The following CEP112 variants were observed in gnomAD, a reference collection of about 807,000 sequenced individuals.
The protein encoded by CEP112 is centrosomal protein 112, also known as centrosomal protein of 112 kDa.
In CEP112, 127 loss-of-function variants were observed where a neutral mutation model predicts 153.0. That is an observed-to-expected ratio of 0.83 (90% confidence interval 0.72 to 0.96). The LOEUF is 0.96. Among genes scored for constraint, CEP112 ranks in the 40% least tolerant of loss-of-function variants. CEP112 has a pLI of 0.00. For synonymous variants in CEP112, 358 were observed against 374.4 expected, an observed-to-expected ratio of 0.96 and a Z score of 0.51; for missense variants, 1,089 against 1,101.2, an observed-to-expected ratio of 0.99 and a Z score of 0.16.
intron 8 of CEP112, among the ~76,000 whole-genome samples, chr17:66,074,881 A>G (rs1039240709): frequency 1.3e-5 from 2 of 151,332 alleles, no homozygotes; most frequent in Admixed American, 6.6e-5. Flanking sequence ...AAGAAAAAAA[A>G]AAAAAAAGAA....
intron 24 of CEP112, among the ~76,000 whole-genome samples, chr17:65,655,603 T>C (rs2046024063): frequency 6.6e-6 from 1 of 152,246 alleles, no homozygotes; most frequent in Admixed American, 6.5e-5. Flanking sequence ...TTATCCTTGC[T>C]TCTTTTCTGA....
chr17:65,869,092 C>T (rs1453402734), intron 20 of CEP112, among the ~76,000 whole-genome samples: 3 of 152,198 alleles, frequency 2.0e-5, no homozygotes, highest in South Asian at 4.1e-4. Context: ...TAGGTCAGCA[C>T]ATTTTCTATT....
At chr17:65,836,546 T>C (rs1263396224) in intron 21 of CEP112, among the ~76,000 whole-genome samples, 1 of 152,124 alleles carries the variant, frequency 6.6e-6, no homozygotes, top group Non-Finnish European at 1.5e-5. Flanking sequence ...AGACAAAGAA[T>C]GTTATATAAC....
chr17:65,789,558 T>C (rs761148982), intron 21 of CEP112, among the ~76,000 whole-genome samples: 13 of 152,176 alleles, frequency 8.5e-5, no homozygotes, highest in Non-Finnish European at 1.8e-4. Flanking sequence ...CTCTACCTTT[T>C]ATGCCTCTGT....
intron 23 of CEP112, among the ~76,000 whole-genome samples, chr17:65,694,703 T>G (rs193056883): frequency 5.6e-4 from 85 of 152,334 alleles, no homozygotes; most frequent in African/African-American, 1.9e-3. Flanking sequence ...AAAAGATTAT[T>G]AGGTTATTAG....
At chr17:66,168,467 G>GTATATA (rs2072088139) in intron 4 of CEP112, among the ~76,000 whole-genome samples, 1 of 150,856 alleles carries the variant, frequency 6.6e-6, no homozygotes, top group Non-Finnish European at 1.5e-5. Context: ...GTATATGTGT[G>GTATATA]TGTATATATG....
chr17:65,856,255 A>G (rs2146346251), intron 20 of CEP112, among the ~76,000 whole-genome samples: 1 of 152,314 alleles, frequency 6.6e-6, no homozygotes, highest in East Asian at 1.9e-4. Context: ...AAGATTGAAG[A>G]ACTCCCTGGG....
intron 24 of CEP112, among the ~76,000 whole-genome samples, chr17:65,664,667 G>A (rs1434056335): frequency 2.0e-5 from 3 of 152,220 alleles, no homozygotes; most frequent in African/African-American, 7.2e-5. Flanking sequence ...GCAGCAGGTA[G>A]AGCCCAAGAC....
At chr17:66,166,625 C>T (rs2071970316) in intron 4 of CEP112, among the ~76,000 whole-genome samples, 1 of 151,996 alleles carries the variant, frequency 6.6e-6, no homozygotes, top group Non-Finnish European at 1.5e-5. Flanking sequence ...CAGCCGAGCA[C>T]GGTGGCTCAC....
intron 4 of CEP112, 38 bp downstream of exon 4, chr17:66,175,006 T>G: frequency 2.2e-6 from 3 of 1,394,092 alleles, no homozygotes; most frequent in Non-Finnish European, 1.9e-6. Context: ...ACAGACTAAA[T>G]GATGAAACAC....
intron 21 of CEP112, among the ~76,000 whole-genome samples, chr17:65,812,582 G>A (rs1598656928): frequency 1.3e-5 from 2 of 152,134 alleles, no homozygotes; most frequent in East Asian, 3.9e-4. Context: ...ATAATTGAAG[G>A]CTTTTATTGA....
At chr17:65,645,377 C>T (rs1317674931) in intron 24 of CEP112, among the ~76,000 whole-genome samples, 2 of 152,052 alleles carry the variant, frequency 1.3e-5, no homozygotes, top group South Asian at 2.1e-4. Context: ...CTCTTCTTAT[C>T]GTTTTATATC....
At chr17:66,007,886 A>T (rs2145471965) in intron 16 of CEP112, among the ~76,000 whole-genome samples, 1 of 152,242 alleles carries the variant, frequency 6.6e-6, no homozygotes, top group Admixed American at 6.5e-5. Flanking sequence ...TTTGGCCCAA[A>T]TCATACATTT....
chr17:65,754,416 C>T (rs373277047), intron 21 of CEP112, among the ~76,000 whole-genome samples: 16 of 152,194 alleles, frequency 1.1e-4, no homozygotes, highest in South Asian at 4.2e-4. Flanking sequence ...CGAGACCAGC[C>T]TGGCCAAAAT....
At chr17:66,085,845 C>T (rs1255064525) in intron 8 of CEP112, among the ~76,000 whole-genome samples, 5 of 151,926 alleles carry the variant, frequency 3.3e-5, no homozygotes, top group Admixed American at 6.6e-5. Context: ...GGCATGGTGG[C>T]GCACACCTGT....
intron 12 of CEP112, among the ~76,000 whole-genome samples, chr17:66,037,776 C>T (rs909685973): frequency 6.6e-6 from 1 of 152,244 alleles, no homozygotes; most frequent in African/African-American, 2.4e-5. Context: ...CAGGCTCATA[C>T]TACTTTTTAA....
intron 4 of CEP112, among the ~76,000 whole-genome samples, chr17:66,162,011 A>AATG (rs1487601948): frequency 6.6e-6 from 1 of 152,188 alleles, no homozygotes; most frequent in African/African-American, 2.4e-5. Flanking sequence ...GGCAGCACGA[A>AATG]ATGGACCAAG....
chr17:65,914,168 A>G (rs534156948), intron 19 of CEP112, among the ~76,000 whole-genome samples: 2 of 151,768 alleles, frequency 1.3e-5, no homozygotes, highest in South Asian at 2.1e-4. Context: ...AAATTTTTAG[A>G]AAAAAACATG....
intron 17 of CEP112, among the ~76,000 whole-genome samples, chr17:65,966,623 T>C (rs2062425103): frequency 6.6e-6 from 1 of 152,184 alleles, no homozygotes; most frequent in African/African-American, 2.4e-5. Context: ...AGCGGCAATA[T>C]CACCTATATT....
Sources: allele counts gnomAD v4.1 joint callset (sites outside exome capture counted in the v4.1 genomes callset), GRCh38; gene constraint gnomAD v4.1.1; transcripts MANE v1.5; gene names NCBI Gene and HGNC (gene_info 2026-07-23, HGNC 2026-07-21).